DLG2: variants seen among roughly 807,000 people sequenced by gnomAD.
The protein encoded by DLG2 is discs large MAGUK scaffold protein 2.
In DLG2, 45 loss-of-function variants were observed where a neutral mutation model predicts 132.5. That is an observed-to-expected ratio of 0.34 (90% CI 0.27 to 0.44). DLG2 has a LOEUF of 0.44. Among genes scored for constraint, DLG2 ranks in the 20% least tolerant of loss-of-function variants. The pLI is 1.00. For synonymous variants in DLG2, 424 were observed against 419.6 expected (o/e 1.01, Z -0.13); for missense variants, 1,045 against 1,196.9 (o/e 0.87, Z 1.87).
chr11:85,512,961 A>G (rs531455850), intron 3 of DLG2, among the ~76,000 whole-genome samples: 1 of 152,228 alleles, frequency 6.6e-6, no homozygotes, highest in South Asian at 2.1e-4. Context: ...TCAACAGTAA[A>G]CTGGACAAAG....
intron 5 of DLG2, among the ~76,000 whole-genome samples, chr11:85,138,731 C>T (rs2076276650): frequency 6.6e-6 from 1 of 150,468 alleles, no homozygotes; most frequent in Non-Finnish European, 1.5e-5. Flanking sequence ...GCTTTTGCTT[C>T]TTCCTCATTT....
intron 3 of DLG2, among the ~76,000 whole-genome samples, chr11:85,319,359 G>C (rs894702588): frequency 6.6e-6 from 1 of 151,758 alleles, no homozygotes; most frequent in East Asian, 1.9e-4. Context: ...TTGGAGAGTA[G>C]TTCCAGTACA....
intron 6 of DLG2, among the ~76,000 whole-genome samples, chr11:85,035,785 G>A (rs2061387795): frequency 6.6e-6 from 1 of 152,030 alleles, no homozygotes; most frequent in Admixed American, 6.5e-5. Context: ...TGGGCCCGAT[G>A]AGGCTACTGC....
chr11:84,821,381 G>A (rs1325703141), intron 6 of DLG2, among the ~76,000 whole-genome samples: 1 of 151,666 alleles, frequency 6.6e-6, no homozygotes, highest in Non-Finnish European at 1.5e-5. Flanking sequence ...GTTCTACCTT[G>A]TCATTATAGA....
chr11:85,325,213 C>A (rs547781816), intron 3 of DLG2, among the ~76,000 whole-genome samples: 1 of 151,560 alleles, frequency 6.6e-6, no homozygotes, highest in East Asian at 2.0e-4. Context: ...CCGCCATTGC[C>A]CAGGCTTGCT....
chr11:84,004,525 C>A (rs1173186131), intron 11 of DLG2, among the ~76,000 whole-genome samples: 2 of 151,888 alleles, frequency 1.3e-5, no homozygotes, highest in African/African-American at 4.8e-5. Context: ...ATAACTGGAA[C>A]AAGATAAGAA....
intron 5 of DLG2, among the ~76,000 whole-genome samples, chr11:85,124,929 C>T (rs1392193128): frequency 6.6e-6 from 1 of 151,536 alleles, no homozygotes; most frequent in Admixed American, 6.6e-5. Flanking sequence ...CTCCCAGGTT[C>T]ACGCCATTCT....
At chr11:84,159,350 C>A (rs1454019) in intron 9 of DLG2, among the ~76,000 whole-genome samples, 1 of 152,210 alleles carries the variant, frequency 6.6e-6, no homozygotes, top group Middle Eastern at 3.4e-3. Context: ...GATGGAAATG[C>A]TACTAATTTA....
intron 6 of DLG2, among the ~76,000 whole-genome samples, chr11:85,012,141 A>AACTCCATT (rs1185767344): frequency 0.018 from 460 of 25,446 alleles, 43 homozygotes; most frequent in East Asian, 0.04. Context: ...GACCAACATA[A>AACTCCATT]TCTATGTGAA....
chr11:84,238,201 A>G (rs939234204), intron 8 of DLG2, among the ~76,000 whole-genome samples: 3 of 152,002 alleles, frequency 2.0e-5, no homozygotes, highest in Non-Finnish European at 4.4e-5. Flanking sequence ...AAAAAATATC[A>G]GTGTCAAAAA....
intron 19 of DLG2, chr11:83,632,994 C>A: frequency 2.0e-6 from 1 of 508,502 alleles, no homozygotes; most frequent in Non-Finnish European, 3.5e-6. Flanking sequence ...CATAACTTTG[C>A]CAAAGAATAA....
At chr11:84,129,564 A>G (rs1336252832) in intron 9 of DLG2, among the ~76,000 whole-genome samples, 3 of 152,210 alleles carry the variant, frequency 2.0e-5, no homozygotes, top group Admixed American at 6.6e-5. Flanking sequence ...TTGCCTCAAA[A>G]CAGCCACGTC....
chr11:85,500,844 C>T (rs1441786877), intron 3 of DLG2, among the ~76,000 whole-genome samples: 2 of 152,202 alleles, frequency 1.3e-5, no homozygotes, highest in Admixed American at 1.3e-4. Context: ...CATTACTGCC[C>T]AAAGTAATTT....
chr11:84,319,433 T>G, intron 7 of DLG2, among the ~76,000 whole-genome samples: 1 of 152,230 alleles, frequency 6.6e-6, no homozygotes, highest in East Asian at 1.9e-4. Flanking sequence ...GATGCTTCTC[T>G]AGTTTTTTAG....
At chr11:84,780,187 T>C (rs549085528) in intron 6 of DLG2, among the ~76,000 whole-genome samples, 1 of 152,176 alleles carries the variant, frequency 6.6e-6, no homozygotes, top group East Asian at 1.9e-4. Flanking sequence ...TTATACACCA[T>C]GATCAAATGG....
chr11:83,515,948 T>G (rs1361035434), intron 21 of DLG2, among the ~76,000 whole-genome samples: 1 of 152,212 alleles, frequency 6.6e-6, no homozygotes, highest in Non-Finnish European at 1.5e-5. Flanking sequence ...CTTCCAACTG[T>G]GTGGTCAATT....
intron 6 of DLG2, chr11:84,800,518 C>T (rs542763486): frequency 6.6e-6 from 1 of 152,224 alleles, no homozygotes; most frequent in East Asian, 1.9e-4. Flanking sequence ...GAAATCATGC[C>T]CTTGTTTTGC....
intron 2 of DLG2, among the ~76,000 whole-genome samples, chr11:85,606,692 T>C (rs745803313): frequency 1.3e-5 from 2 of 152,174 alleles, no homozygotes; most frequent in Non-Finnish European, 2.9e-5. Context: ...TGCTCACTCT[T>C]TGGGTCTGCG....
At chr11:84,480,918 T>A (rs2154493333) in intron 7 of DLG2, among the ~76,000 whole-genome samples, 1 of 152,216 alleles carries the variant, frequency 6.6e-6, no homozygotes, top group South Asian at 2.1e-4. Context: ...TTTGTATTTT[T>A]AGTAGAGACG....
Sources: allele counts gnomAD v4.1 joint callset (sites outside exome capture counted in the v4.1 genomes callset), GRCh38; gene constraint gnomAD v4.1.1; transcripts MANE v1.5; gene names NCBI Gene and HGNC (gene_info 2026-07-23, HGNC 2026-07-21).